Variants in KLK10 observed in about 807,000 individuals in gnomAD.
KLK10 encodes kallikrein related peptidase 10, also known as kallikrein-10.
In KLK10, 27 loss-of-function variants were observed where a neutral mutation model predicts 25.7. That is an observed-to-expected ratio of 1.05 (90% CI 0.77 to 1.45). The LOEUF is 1.45. KLK10 is among the 40% of genes most tolerant of loss of function. The probability of loss-of-function intolerance (pLI) is 0.00; values close to 1 mark genes in which losing one functional copy is unlikely to be tolerated. For synonymous variants in KLK10, 173 were observed against 160.1 expected, an observed-to-expected ratio of 1.08 and a Z score of -0.61; for missense variants, 386 against 370.0, an observed-to-expected ratio of 1.04 and a Z score of -0.35.
intron 4 of KLK10, 163 bp downstream of exon 4, chr19:51,015,719 G>T: frequency 1.9e-6 from 2 of 1,031,114 alleles, no homozygotes; most frequent in South Asian, 1.6e-5. Flanking sequence ...CAGGCCCCCA[G>T]CCCCTCCTCC....
At chr19:51,017,577 C>T (rs148886564) in intron 2 of KLK10, among the ~76,000 whole-genome samples, 160 of 150,768 alleles carry the variant, frequency 1.1e-3, no homozygotes, top group African/African-American at 3.6e-3. Context: ...CTGGCTAGAA[C>T]GTCGCTGGTC....
intron 2 of KLK10, 112 bp from the exon 3 acceptor site, chr19:51,017,402 C>A: frequency 1.0e-6 from 1 of 954,220 alleles, no homozygotes; most frequent in African/African-American, 1.7e-5. Context: ...GCAGCCAGAA[C>A]GCGAGGGTGG....
chr19:51,018,370 G>GA (rs1302223948), intron 2 of KLK10: 1 of 151,810 alleles, frequency 6.6e-6, no homozygotes, highest in African/African-American at 2.4e-5. Context: ...GAAAGAGGAA[G>GA]AAAAAAAGTG....
chr19:51,018,888 C>T (rs975423240), intron 2 of KLK10, 155 bp downstream of exon 2: 16 of 636,106 alleles, frequency 2.5e-5, no homozygotes, highest in Non-Finnish European at 4.4e-5. Flanking sequence ...AAGAAGGGCC[C>T]AGCTGACTTG....
chr19:51,015,435 C>T lies in KLK10; in HGVS notation c.660G>A (p.Arg220=). 4 of 1,613,778 alleles carry T rather than the reference C, an allele frequency of 2.5e-6. No homozygotes were observed. The highest frequency in any genetic ancestry group is 2.5e-6 in the Non-Finnish European group (3 of 1,179,844). The change falls in exon 5 of 6, where the codon CGG becomes CGA. Residue 220 remains arginine (R), a synonymous_variant. Transcript: ENST00000358789. The stretch of plus-strand genomic sequence containing the variant: ...ACCCTACCTGGCAAGGGTCCTGGCC[C>T]CGGTCCAGTCCAGCACATATCATGT... The part of the protein sequence containing the change: ...TNNMICAGLD[R]GQDPCQSDSG...
chr19:51,015,701 C>T (rs1263050413), intron 4 of KLK10, 151 bp from the exon 5 acceptor site: 1 of 1,097,750 alleles, frequency 9.1e-7, no homozygotes. Flanking sequence ...CACTTAGACC[C>T]AGGAGTCCAG....
At chr19:51,016,393 CT>C (rs1373393584) in intron 3 of KLK10, among the ~76,000 whole-genome samples, 2 of 152,006 alleles carry the variant, frequency 1.3e-5, no homozygotes, top group South Asian at 2.1e-4. Context: ...TTTCTTTTCT[CT>C]TTTTCTTTTC....
At chr19:51,015,622 A>G in intron 4 of KLK10, 72 bp from the exon 5 acceptor site, 3 of 1,529,760 alleles carry the variant, frequency 2.0e-6, no homozygotes, top group Non-Finnish European at 2.7e-6. Flanking sequence ...TCCAGATACA[A>G]GACCGTTTCT....
chr19:51,015,888 G>T lies in KLK10; in HGVS notation c.538C>A (p.Arg180=). ...QVAGWGTTAA[R]RVKYNKGLTC... is the part of the protein sequence containing the mutation. ...TCAGAGCCCCAGCTCTTGCCTCTCC[G>T]GGCGGCCGTGGTGCCCCAGCCAGCA... The change falls in exon 4 of 6, where the codon CGG becomes AGG. Residue 180 remains arginine (R), a synonymous_variant. Transcript: ENST00000358789. The T allele has an allele frequency of 6.5e-7, 1 of 1,548,824 alleles. No homozygotes were observed. The highest frequency in any genetic ancestry group is 1.9e-5 in the Admixed American group (1 of 53,794).
chr19:51,014,443 G>A lies in KLK10; in HGVS notation c.*357C>T. On this transcript the variant is annotated 3_prime_UTR_variant, in exon 6 of 6. Coordinates refer to ENST00000358789, the MANE Select transcript of KLK10 (RefSeq NM_145888.3). ...GCAGATGAGGAAACTGAGGTTCAGA[G>A]AGGGCACTTGGCTTGCCCAAAGTCA... The A allele has an allele frequency of 4.7e-6, 1 of 212,002 alleles. No individual in the cohort carries two copies. The highest frequency in any genetic ancestry group is 9.5e-6 in the Non-Finnish European group (1 of 105,398). The allele number at this position is 212,002 out of a possible 1,614,324, so 13.1% of individuals were successfully genotyped here.
At position 51,015,489 on chromosome 19, in the gene KLK10, C is replaced by T. The variant is rs780463745; in HGVS notation, c.606G>A (p.Glu202=). The T allele has an allele frequency of 5.0e-6, 8 of 1,613,810 alleles. No individual in the cohort carries two copies. The African/African-American group carries it at 8.0e-5, about 16-fold the overall frequency. ...TGGTGACCACGCCAGGGTAGAAGAC[C>T]TCACACTCTTTAGGGCTCAGGATAG... is the stretch of plus-strand genomic sequence containing the variant. ...SITILSPKEC[E]VFYPGVVTNN... is the part of the protein sequence containing the mutation. The change falls in exon 5 of 6, where the codon GAG becomes GAA. Residue 202 remains glutamate, a synonymous_variant. Coordinates refer to ENST00000358789, the MANE Select transcript of KLK10 (RefSeq NM_145888.3).
Position 51,015,433 on chromosome 19 carries a change from C to A in KLK10, c.662G>T (p.Gly221Val). The A allele has an allele frequency of 6.2e-7, 1 of 1,613,722 alleles. No homozygotes were observed. The highest frequency in any genetic ancestry group is 8.5e-7 in the Non-Finnish European group (1 of 1,179,812). The change falls in exon 5 of 6, where the codon GGC becomes GTC. Residue 221 changes from glycine to valine, a missense_variant. Transcript: ENST00000358789. ...AGACCCTACCTGGCAAGGGTCCTGG[C>A]CCCGGTCCAGTCCAGCACATATCAT... ...NNMICAGLDR[G>V]QDPCQSDSGG...
Position 51,018,233 on chromosome 19 carries a change from GA to G in KLK10, c.88+809del, listed in dbSNP as rs1337208070. ...AAAGAAAAAAACAAGAAAGAAAGAAGAAAAAATAAGAGAGAAAGTAAAACAA... is the reference window on the plus strand; with the variant it reads ...AAAGAAAAAAACAAGAAAGAAAGAAGAAAAATAAGAGAGAAAGTAAAACAA... On this transcript the variant is annotated intron_variant, in intron 2 of 5. Coordinates refer to ENST00000358789, the MANE Select transcript of KLK10 (RefSeq NM_145888.3). Among the ~76,000 whole-genome samples the G allele has an allele frequency of 1.6e-3, 146 of 90,342 alleles. 1 individual carries two copies. The highest frequency in any genetic ancestry group is 5.5e-3 in the African/African-American group (132 of 23,840). The allele number at this position is 90,342 out of a possible 152,430, so 59.3% of individuals were successfully genotyped here.
Position 51,016,129 on chromosome 19 carries a change from G to C in KLK10, c.297C>G (p.Asp99Glu). ...GCTCTCCCTGAAGAAGCAGCAGGTG[G>C]TCATCCCCTACTCGAGCCCACAGTG... is the stretch of plus-strand genomic sequence containing the variant. Reference protein sequence around the residue: ...NKPLWARVGDDHLLLLQGEQL... With the variant: ...NKPLWARVGDEHLLLLQGEQL... The change falls in exon 4 of 6, where the codon GAC becomes GAG. Residue 99 changes from aspartate (D) to glutamate (E), a missense_variant. Physicochemically the swap from Asp to Glu is conservative, Grantham distance 45. Coordinates refer to ENST00000358789, the MANE Select transcript of KLK10 (RefSeq NM_145888.3). The C allele has an allele frequency of 1.3e-6, 2 of 1,588,092 alleles. No individual in the cohort carries two copies. Among genetic ancestry groups the C allele is most frequent in the Non-Finnish European group, 8.6e-7 (1 of 1,167,348 alleles).
rs1307883439 is a variant in KLK10 at position 51,014,326 on chromosome 19, A to G, written c.*474T>C. On this transcript the variant is annotated 3_prime_UTR_variant, in exon 6 of 6. Coordinates refer to ENST00000358789, the MANE Select transcript of KLK10 (RefSeq NM_145888.3). Reference sequence around the variant, plus strand: ...CACCACCCACTGTGTTAAGCCTTACATGACAATCACCATGAAGATTTACAT... The same window carrying G: ...CACCACCCACTGTGTTAAGCCTTACGTGACAATCACCATGAAGATTTACAT... 1 of 139,404 alleles carries G rather than the reference A, an allele frequency of 7.2e-6. No individual in the cohort carries two copies. The highest frequency in any genetic ancestry group is 3.2e-5 in the African/African-American group (1 of 31,084). 8.6% of individuals were successfully genotyped at this position (139,404 alleles called of 1,614,324 possible).
chr19:51,017,016 G>A (rs546043742), intron 3 of KLK10, 94 bp downstream of exon 3: 1 of 1,256,356 alleles, frequency 8.0e-7, no homozygotes, highest in African/African-American at 1.5e-5. Context: ...ACCTCCAGCT[G>A]TGGGAGTTCC....
At position 51,019,024 on chromosome 19, in the gene KLK10, C is replaced by A. The variant is rs762945742; in HGVS notation, c.88+19G>T. 1 of 1,567,898 alleles carries A rather than the reference C, an allele frequency of 6.4e-7. No individual in the cohort carries two copies. Among genetic ancestry groups the A allele is most frequent in the Non-Finnish European group, 8.6e-7 (1 of 1,157,962 alleles). On this transcript the variant is annotated intron_variant, in intron 2 of 5. Coordinates refer to ENST00000358789, the MANE Select transcript of KLK10 (RefSeq NM_145888.3). The surrounding 1 kb of genome is among the most constrained non-coding windows in gnomAD (Gnocchi z 4.2). ...GCCTCCCACCGGCGCCTCTCCCCGC[C>A]CCCTGCCCCCGACCTTACCCCAGAG... is the stretch of plus-strand genomic sequence containing the variant.
rs995446663 is a variant in KLK10, at chr19:51,019,138, A to G, written c.-8T>C. 1.9e-6 allele frequency: 3 copies of G among 1,606,076 alleles called. No individual in the cohort carries two copies. Among genetic ancestry groups the G allele is most frequent in the Non-Finnish European group, 2.5e-6 (3 of 1,177,356 alleles). ...GAGGTGCGGAGCTCTCATGGCCAGG[A>G]TCTGCTGGGGTGTGTGCAGGGGCGG... On this transcript the variant is annotated splice_region_variant and 5_prime_UTR_variant, in exon 2 of 6. Transcript: ENST00000358789. This position sits in a 1 kb window ranked among gnomAD's most constrained non-coding sequence, Gnocchi z 4.2.
Position 51,015,948 on chromosome 19 carries a change from A to G in KLK10, c.478T>C (p.Tyr160His), listed in dbSNP as rs1279270416. 1.9e-6 allele frequency: 3 copies of G among 1,590,770 alleles called. No homozygotes were observed. Among genetic ancestry groups the G allele is most frequent in the Non-Finnish European group, 2.6e-6 (3 of 1,171,054 alleles). The change falls in exon 4 of 6, where the codon TAC (tyrosine) becomes CAC (histidine). Residue 160 changes from tyrosine to histidine, a missense_variant. Physicochemically the swap from Tyr to His is moderately conservative, Grantham distance 83. Transcript: ENST00000358789. Reference sequence around the variant, plus strand: ...TGGTCTCCGGGCTGAGCACAGCGGTAGGGAAGCTGCAGGGCCCGGACGCGG... The same window carrying G: ...TGGTCTCCGGGCTGAGCACAGCGGTGGGGAAGCTGCAGGGCCCGGACGCGG... Reference protein sequence around the residue: ...GPRVRALQLPYRCAQPGDQCQ... With the variant: ...GPRVRALQLPHRCAQPGDQCQ...
Sources: allele counts gnomAD v4.1 joint callset (sites outside exome capture counted in the v4.1 genomes callset), GRCh38; gene constraint gnomAD v4.1.1; non-coding constraint Gnocchi (gnomAD v3.1); transcripts MANE v1.5; gene names NCBI Gene and HGNC (gene_info 2026-07-23, HGNC 2026-07-21).